PRRC2B: variants seen among roughly 807,000 people sequenced by gnomAD.
PRRC2B encodes the protein protein PRRC2B.
A neutral mutation model predicts 242.3 loss-of-function variants in PRRC2B; 68 were observed. That is an observed-to-expected ratio of 0.28 (90% confidence interval 0.23 to 0.34). PRRC2B has a LOEUF of 0.34. Ranked by LOEUF, PRRC2B falls within the 10% of genes least tolerant of loss-of-function variation. PRRC2B has a pLI of 1.00. For missense variants in PRRC2B, 2,835 were observed against 2,954.8 expected, an observed-to-expected ratio of 0.96 and a Z score of 0.94; for synonymous variants, 1,228 against 1,173.6, an observed-to-expected ratio of 1.05 and a Z score of -0.95.
chr9:131,401,091 T>G (rs1032932700), intron 1 of PRRC2B, among the ~76,000 whole-genome samples: 2 of 151,412 alleles, frequency 1.3e-5, no homozygotes, highest in African/African-American at 4.8e-5. Flanking sequence ...CCTCCTGTGA[T>G]TTCTTCGGAG....
In PRRC2B at chr9:131,428,765, G is replaced by A. The variant is rs547475015; in HGVS notation, c.-51-1329G>A. Among the ~76,000 whole-genome samples the A allele has an allele frequency of 2.6e-5, 4 of 152,250 alleles. No individual in the cohort carries two copies. The East Asian group carries it at 7.7e-4, about 29-fold the overall frequency. ...GCTGGTCTCAAACTCCTGGCTTCAAGCAGTCCTCCCACCTCAGCCTTCCTG... is the reference window on the plus strand; with the variant it reads ...GCTGGTCTCAAACTCCTGGCTTCAAACAGTCCTCCCACCTCAGCCTTCCTG... On this transcript the variant is annotated intron_variant, in intron 1 of 31. Transcript: ENST00000683519.
chr9:131,400,573 C>T (rs976975795), intron 1 of PRRC2B, among the ~76,000 whole-genome samples: 1 of 152,132 alleles, frequency 6.6e-6, no homozygotes, highest in Non-Finnish European at 1.5e-5. Flanking sequence ...CTGCCTTGGC[C>T]TCCCAAAGTG....
chr9:131,492,267 C>A lies in PRRC2B; in HGVS notation c.6473+7C>A, dbSNP rs1415112749. ...CATCGCCACAGACCTACAGGTAAAG[C>A]CACTCCCTGGGGACTGCGTGCTGTG... On this transcript the variant is annotated splice_region_variant and intron_variant, in intron 30 of 31. Transcript: ENST00000683519. 1.2e-6 allele frequency: 2 copies of A among 1,610,188 alleles called. No individual in the cohort carries two copies. The highest frequency in any genetic ancestry group is 2.7e-5 in the African/African-American group (2 of 74,860).
rs767827016 is a variant in PRRC2B, at chr9:131,474,713, G to C, written c.2584G>C (p.Asp862His). Reference protein sequence around the residue: ...CSPLEPDFVPDEKKPECGSWD... With the variant: ...CSPLEPDFVPHEKKPECGSWD... The stretch of plus-strand genomic sequence containing the variant: ...CCCATTGGAGCCTGACTTTGTCCCA[G>C]ATGAGAAAAAGCCAGAGTGTGGCAG... Residue 862 changes from aspartate to histidine, a missense_variant, in exon 16 of 32, where the codon GAT (aspartate) becomes CAT (histidine). Coordinates refer to ENST00000683519, the MANE Select transcript of PRRC2B (RefSeq NM_013318.4). 1 of 1,612,662 alleles carries C rather than the reference G, an allele frequency of 6.2e-7. No individual in the cohort carries two copies. The highest frequency in any genetic ancestry group is 1.1e-5 in the South Asian group (1 of 90,840).
chr9:131,466,044 G>T (rs1943387549), intron 12 of PRRC2B, among the ~76,000 whole-genome samples: 1 of 152,242 alleles, frequency 6.6e-6, no homozygotes, highest in Admixed American at 6.5e-5. Context: ...CTATTTAAGA[G>T]TAATGAAGCA....
At chr9:131,420,499 T>TCTTTCTTTCTTTCTTCCTTTCTTTC (rs889470295) in intron 1 of PRRC2B, among the ~76,000 whole-genome samples, 1 of 84,494 alleles carries the variant, frequency 1.2e-5, no homozygotes, top group East Asian at 2.9e-4. Context: ...CTTTCTTTTT[T>TCTTTCTTTCTTTCTTCCTTTCTTTC]TTTTTTTTTT....
At chr9:131,478,644 AT>A in intron 18 of PRRC2B, 25 bp downstream of exon 18, 1 of 443,808 alleles carries the variant, frequency 2.3e-6, no homozygotes, top group Non-Finnish European at 4.3e-6. Context: ...GTGGGGGGGC[AT>A]GGGGCTGGAG....
chr9:131,425,338 C>T (rs1288667369), intron 1 of PRRC2B, among the ~76,000 whole-genome samples: 2 of 152,010 alleles, frequency 1.3e-5, no homozygotes, highest in African/African-American at 2.4e-5. Flanking sequence ...AAGTATGAAT[C>T]AAACCTTCTC....
chr9:131,430,176 G>A lies in PRRC2B; in HGVS notation c.32G>A (p.Gly11Asp). Residue 11 changes from glycine to aspartate, a missense_variant, in exon 2 of 32, where the codon GGC becomes GAC. Physicochemically the swap from Gly to Asp is moderately conservative, Grantham distance 94 (BLOSUM62 -1). Around this residue, in one of 7 missense-constraint regions of PRRC2B, gnomAD observed 626 missense variants for 685.5 expected, o/e 0.91. Transcript: ENST00000683519. The stretch of plus-strand genomic sequence containing the variant: ...GATCGTTTGGGGCAAATTACCAAGG[G>A]CAAGGATGGGAAAAGCAAGTACTCG... MSDRLGQITK[G>D]KDGKSKYSTL... The A allele has an allele frequency of 6.2e-7, 1 of 1,607,544 alleles. No homozygotes were observed. The highest frequency in any genetic ancestry group is 8.5e-7 in the Non-Finnish European group (1 of 1,177,142).
At chr9:131,485,822 G>T in intron 25 of PRRC2B, 1 of 716,702 alleles carries the variant, frequency 1.4e-6, no homozygotes, top group South Asian at 1.4e-5. Flanking sequence ...GAGGTGGGAA[G>T]GGTAGGCCAG....
At chr9:131,460,943 G>C (rs370762048) in intron 11 of PRRC2B, among the ~76,000 whole-genome samples, 2 of 152,194 alleles carry the variant, frequency 1.3e-5, no homozygotes, top group East Asian at 3.9e-4. Flanking sequence ...GGACAGTTGC[G>C]GGGAATGTAT....
At chr9:131,420,682 G>A (rs867305641) in intron 1 of PRRC2B, among the ~76,000 whole-genome samples, 1 of 151,016 alleles carries the variant, frequency 6.6e-6, no homozygotes, top group African/African-American at 2.4e-5. Context: ...TAGAGTCAGG[G>A]TGTCGCCATG....
At chr9:131,431,932 T>A (rs531741153) in intron 2 of PRRC2B, among the ~76,000 whole-genome samples, 1 of 152,032 alleles carries the variant, frequency 6.6e-6, no homozygotes, top group African/African-American at 2.4e-5. Context: ...TATTTATTTA[T>A]TTAGAGACTG....
intron 1 of PRRC2B, among the ~76,000 whole-genome samples, chr9:131,385,330 A>C (rs1836813287): frequency 1.3e-5 from 2 of 149,274 alleles, no homozygotes; most frequent in African/African-American, 4.9e-5. Flanking sequence ...AACGAGCGAA[A>C]AACTCCGTCT....
chr9:131,487,069 C>T lies in PRRC2B; in HGVS notation c.5857-98C>T. On this transcript the variant is annotated intron_variant, in intron 26 of 31. Coordinates refer to ENST00000683519, the MANE Select transcript of PRRC2B (RefSeq NM_013318.4). This position sits in a 1 kb window ranked among gnomAD's most constrained non-coding sequence, Gnocchi z 5.3. ...TGGCATTTGAATTTTGGGCAGTGTTCCAGCAGCCATGTGGAGAGGGGCAGG... is the reference window on the plus strand; with the variant it reads ...TGGCATTTGAATTTTGGGCAGTGTTTCAGCAGCCATGTGGAGAGGGGCAGG... 1 of 1,063,024 alleles carries T rather than the reference C, an allele frequency of 9.4e-7. No individual in the cohort carries two copies. Among genetic ancestry groups the T allele is most frequent in the Admixed American group, 1.9e-5 (1 of 53,050 alleles). The allele number at this position is 1,063,024 out of a possible 1,614,324, so 65.8% of individuals were successfully genotyped here. A position where few individuals can be genotyped will look rare whatever the true frequency, so the allele number is the denominator to read the frequency against.
intron 18 of PRRC2B, 30 bp downstream of exon 18, chr9:131,478,649 G>GGGGGGGGGGGCCCAGGGCC: frequency 2.0e-6 from 1 of 504,558 alleles, no homozygotes; most frequent in Non-Finnish European, 4.0e-6. Flanking sequence ...GGGGCATGGG[G>GGGGGGGGGGGCCCAGGGCC]CTGGAGGGCA....
At chr9:131,437,641 C>T (rs898550979) in intron 4 of PRRC2B, among the ~76,000 whole-genome samples, 8 of 152,360 alleles carry the variant, frequency 5.3e-5, no homozygotes, top group Non-Finnish European at 1.2e-4. Context: ...CTGCTTTAAC[C>T]ATACTCAGGG....
intron 1 of PRRC2B, among the ~76,000 whole-genome samples, chr9:131,411,520 G>C (rs1442522233): frequency 6.6e-6 from 1 of 150,954 alleles, no homozygotes; most frequent in African/African-American, 2.4e-5. Flanking sequence ...CTAATTTTTT[G>C]TATTTTTAGT....
In PRRC2B at chr9:131,499,193, T is replaced by C. The variant is rs966497845; in HGVS notation, c.*3319T>C. On this transcript the variant is annotated 3_prime_UTR_variant, in exon 32 of 32. Transcript: ENST00000683519. ...CTCTCCAGCCGTGCTGTCACCCTCC[T>C]ATCTTCTGGATCTGCCTTCGCGATG... is the stretch of plus-strand genomic sequence containing the variant. The C allele has an allele frequency of 1.3e-5, 2 of 152,230 alleles. No individual in the cohort carries two copies. Among genetic ancestry groups the C allele is most frequent in the Non-Finnish European group, 2.9e-5 (2 of 68,058 alleles). 9.4% of individuals were successfully genotyped at this position (152,230 alleles called of 1,614,324 possible). A position where few individuals can be genotyped will look rare whatever the true frequency, so the allele number is the denominator to read the frequency against.
Sources: gnomAD v4.1 joint callset for allele counts (sites outside exome capture counted in the v4.1 genomes callset) on GRCh38, gnomAD v4.1.1 for gene constraint, gnomAD v4.1.1 regional missense constraint, Gnocchi (gnomAD v3.1) non-coding constraint, MANE v1.5 for transcripts, NCBI Gene and HGNC (gene_info 2026-07-23, HGNC 2026-07-21) for gene names.